The following THNSL2 variants were observed in gnomAD, a reference collection of about 807,000 sequenced individuals.
THNSL2 encodes the protein threonine synthase-like 2.
In THNSL2, 34 loss-of-function variants were observed where a neutral mutation model predicts 40.0. That is an observed-to-expected ratio of 0.85 (90% CI 0.65 to 1.13). The LOEUF is 1.13. Among genes scored for constraint, THNSL2 ranks in the 50% most tolerant of loss-of-function variants. The probability of loss-of-function intolerance (pLI) is 0.00; values close to 1 mark genes in which losing one functional copy is unlikely to be tolerated. For synonymous variants in THNSL2, 241 were observed against 247.5 expected (o/e 0.97, Z 0.25); for missense variants, 537 against 608.8 (o/e 0.88, Z 1.24).
In THNSL2 at chr2:88,185,463, G is replaced by T; in HGVS notation, c.1213G>T (p.Asp405Tyr). Reference sequence around the variant, plus strand: ...CGTGAACTACCATTACCAGCAGATAGACAGGCAGCAGCCCAGGTACAGGCA... The same window carrying T: ...CGTGAACTACCATTACCAGCAGATATACAGGCAGCAGCCCAGGTACAGGCA... ...VAVNYHYQQI[D>Y]RQQPSTPRCC... The change falls in exon 8 of 9, where the codon GAC becomes TAC. Residue 405 changes from aspartate (D) to tyrosine (Y), a missense_variant. Transcript: ENST00000674334. The T allele has an allele frequency of 6.2e-7, 1 of 1,611,028 alleles. No homozygotes were observed. Among genetic ancestry groups the T allele is most frequent in the Middle Eastern group, 1.6e-4 (1 of 6,062 alleles).
At chr2:88,182,318 G>GTAA (rs1225307264) in intron 5 of THNSL2, among the ~76,000 whole-genome samples, 1 of 152,192 alleles carries the variant, frequency 6.6e-6, no homozygotes, top group African/African-American at 2.4e-5. Context: ...AGGGTTTGAA[G>GTAA]TAATATCTCA....
chr2:88,175,821 G>A (rs943980363), intron 4 of THNSL2: 1 of 161,230 alleles, frequency 6.2e-6, no homozygotes, highest in Non-Finnish European at 1.4e-5. Context: ...TGTGTTGCCA[G>A]GTGTGGTGAC....
intron 7 of THNSL2, 82 bp from the exon 8 acceptor site, chr2:88,185,246 A>ATC: frequency 1.3e-6 from 2 of 1,535,926 alleles, no homozygotes; most frequent in Non-Finnish European, 8.8e-7. Flanking sequence ...GTTTGTGTGG[A>ATC]TCTGTGGTGG....
At chr2:88,171,160 C>A (rs1676328867) in intron 1 of THNSL2, 1 of 394,228 alleles carries the variant, frequency 2.5e-6, no homozygotes, top group South Asian at 1.8e-5. Context: ...TCAACTTCAC[C>A]ACCTCCTGTG....
chr2:88,182,751 G>A lies in THNSL2; in HGVS notation c.855G>A (p.Val285=), dbSNP rs1677827249. 2 of 1,614,164 alleles carry A rather than the reference G, an allele frequency of 1.2e-6. No individual in the cohort carries two copies. Among genetic ancestry groups the A allele is most frequent in the Non-Finnish European group, 1.7e-6 (2 of 1,180,010 alleles). ...IGLPIRLVVA[V]NRNDIIHRTV... is the part of the protein sequence containing the mutation. ...TGCCCATCCGTCTGGTCGTGGCAGT[G>A]AACCGCAATGACATCATCCACAGGA... is the stretch of plus-strand genomic sequence containing the variant. Residue 285 remains valine, a synonymous_variant, in exon 6 of 9, where the codon GTG becomes GTA. Transcript: ENST00000674334.
intron 4 of THNSL2, chr2:88,176,924 A>C (rs990895595): frequency 1.3e-5 from 2 of 152,222 alleles, no homozygotes; most frequent in South Asian, 4.1e-4. Context: ...CAAAATTGCT[A>C]GTTACAGATC....
chr2:88,185,670 C>G, intron 8 of THNSL2, 191 bp downstream of exon 8: 1 of 1,551,576 alleles, frequency 6.4e-7, no homozygotes, highest in Non-Finnish European at 8.7e-7. Context: ...CAGGGACAGC[C>G]ATGGTCAGAG....
chr2:88,185,811 T>A, intron 8 of THNSL2, 87 bp from the exon 9 acceptor site: 1 of 1,539,512 alleles, frequency 6.5e-7, no homozygotes, highest in Non-Finnish European at 8.8e-7. Context: ...AAACTTCCTC[T>A]GTTTCTTATT....
Position 88,183,072 on chromosome 2 carries a change from A to G in THNSL2, c.1076A>G (p.Lys359Arg), listed in dbSNP as rs1397186787. Residue 359 changes from lysine (K) to arginine (R), a missense_variant and splice_region_variant, in exon 7 of 9, where the codon AAG becomes AGG. Physicochemically the swap from Lys to Arg is conservative, Grantham distance 26 (BLOSUM62 2). Transcript: ENST00000674334. ...SVNLPKELHS[K>R]LSEAVTSVSV... ...AATCTGCCCAAGGAACTGCACAGCA[A>G]GGTCAGTCACTACCCACACACCACA... 6.2e-7 allele frequency: 1 copy of G among 1,612,474 alleles called. No homozygotes were observed. Among genetic ancestry groups the G allele is most frequent in the Non-Finnish European group, 8.5e-7 (1 of 1,179,672 alleles).
At chr2:88,183,256 T>C (rs1677895999) in intron 7 of THNSL2, 183 bp downstream of exon 7, 3 of 784,634 alleles carry the variant, frequency 3.8e-6, no homozygotes, top group African/African-American at 1.7e-5. Context: ...ATAGAGAACA[T>C]GGTTTAGAGT....
chr2:88,185,992 G>A lies in THNSL2; in HGVS notation c.1324G>A (p.Val442Ile), dbSNP rs542757972. 44 of 1,612,548 alleles carry A rather than the reference G, an allele frequency of 2.7e-5. No homozygotes were observed. Among genetic ancestry groups the A allele is most frequent in the South Asian group, 4.4e-5 (4 of 90,438 alleles). Residue 442 changes from valine to isoleucine, a missense_variant, in exon 9 of 9, where the codon GTA (valine) becomes ATA (isoleucine). Transcript: ENST00000674334. ...GACCCCTGAGACTCCCGCGGAGATC[G>A]TAGCCCTGGAGCACAAGGAGACACG... Reference protein sequence around the residue: ...GLTPETPAEIVALEHKETRCT... With the variant: ...GLTPETPAEIIALEHKETRCT...
In THNSL2 at chr2:88,182,859, G is replaced by A. The variant is rs1260971524; in HGVS notation, c.951+12G>A. ...CTATGGACATTCAGGTAGGCCTGGG[G>A]GAGGTGTGCAGATCTGGCCCAGGTG... On this transcript the variant is annotated intron_variant, in intron 6 of 8. Transcript: ENST00000674334. 1.2e-6 allele frequency: 2 copies of A among 1,613,880 alleles called. No individual in the cohort carries two copies. The highest frequency in any genetic ancestry group is 1.3e-5 in the African/African-American group (1 of 74,906).
chr2:88,183,698 A>G (rs1221658929), intron 7 of THNSL2: 1 of 150,754 alleles, frequency 6.6e-6, no homozygotes, highest in Non-Finnish European at 1.5e-5. Flanking sequence ...AAAAGGAGAA[A>G]TTTTATTCCC....
chr2:88,171,499 C>T (rs1317764412), intron 1 of THNSL2: 5 of 351,468 alleles, frequency 1.4e-5, no homozygotes, highest in Non-Finnish European at 2.9e-5. Context: ...CTCGCTCCTG[C>T]CCTCACTCCT....
chr2:88,173,688 A>G (rs918778430), intron 2 of THNSL2, among the ~76,000 whole-genome samples: 4 of 151,668 alleles, frequency 2.6e-5, no homozygotes, highest in Non-Finnish European at 5.9e-5. Context: ...GAGTGACTTG[A>G]ATGTTGGGGT....
At chr2:88,171,006 C>T (rs1676310013) in intron 1 of THNSL2, among the ~76,000 whole-genome samples, 1 of 152,142 alleles carries the variant, frequency 6.6e-6, no homozygotes, top group African/African-American at 2.4e-5. Flanking sequence ...TTTTTCTGAC[C>T]TTCTCTACTC....
At chr2:88,175,200 T>C in intron 3 of THNSL2, 49 bp from the exon 4 acceptor site, 1 of 1,583,056 alleles carries the variant, frequency 6.3e-7, no homozygotes, top group South Asian at 1.2e-5. Context: ...CTTTCCTCGT[T>C]CATTCCCTTT....
In THNSL2 at chr2:88,177,317, A is replaced by G. The variant is rs570017898; in HGVS notation, c.572-1466A>G. Among the ~76,000 whole-genome samples, 3 of 152,280 alleles carry G rather than the reference A, an allele frequency of 2.0e-5. No individual in the cohort carries two copies. In the South Asian group the frequency reaches 6.2e-4, roughly 32 times the overall value. On this transcript the variant is annotated intron_variant, in intron 4 of 8. Coordinates refer to ENST00000674334, the MANE Select transcript of THNSL2 (RefSeq NM_018271.5). The stretch of plus-strand genomic sequence containing the variant: ...TGTGTTAGTTCAGGATATAACAGCA[A>G]ATATGTATTTTTCTGTAGACTGGTA...
At chr2:88,175,686 A>C (rs970936568) in intron 4 of THNSL2, 1 of 353,772 alleles carries the variant, frequency 2.8e-6, no homozygotes, top group Non-Finnish European at 5.2e-6. Context: ...TGCATGTCCA[A>C]CCTGCAAGTG....
Sources: allele counts gnomAD v4.1 joint callset (sites outside exome capture counted in the v4.1 genomes callset), GRCh38; gene constraint gnomAD v4.1.1; transcripts MANE v1.5; gene names NCBI Gene and HGNC (gene_info 2026-07-23, HGNC 2026-07-21).